Variants in FLNB observed in about 807,000 individuals in gnomAD.
The protein encoded by FLNB is filamin-B.
In FLNB, 111 loss-of-function variants were observed where a neutral mutation model predicts 250.6. The observed-to-expected ratio is 0.44, with a 90% CI of 0.38 to 0.52. The LOEUF is 0.52. Among genes scored for constraint, FLNB ranks in the 20% least tolerant of loss-of-function variants. The pLI is 0.00. For synonymous variants in FLNB, 1,302 were observed against 1,372.1 expected (o/e 0.95, Z 1.13); for missense variants, 2,869 against 3,447.8 (o/e 0.83, Z 4.20).
intron 38 of FLNB, among the ~76,000 whole-genome samples, chr3:58,151,715 A>C (rs894208743): frequency 8.5e-5 from 13 of 152,198 alleles, no homozygotes; most frequent in African/African-American, 3.1e-4. Flanking sequence ...ATTCCATTTC[A>C]TGTCTAGATG....
Position 58,105,166 on chromosome 3 carries a change from G to C in FLNB, c.1697G>C (p.Arg566Pro). 6.2e-7 allele frequency: 1 copy of C among 1,614,214 alleles called. No individual in the cohort carries two copies. The highest frequency in any genetic ancestry group is 8.5e-7 in the Non-Finnish European group (1 of 1,180,044). Residue 566 changes from arginine (R) to proline (P), a missense_variant, in exon 11 of 46, where the codon CGG becomes CCG. This residue lies in a region of FLNB where 1,348 missense variants were observed against 1,466.7 expected (regional missense o/e 0.92). Transcript: ENST00000295956. ...GGGCTCCATGGTGGGATTGTCGGGC[G>C]GTCAGCGGACTTCGTGGTAGAATCC... ...GPGLHGGIVG[R>P]SADFVVESIG...
intron 35 of FLNB, 78 bp downstream of exon 35, chr3:58,148,442 G>A: frequency 6.6e-7 from 1 of 1,514,174 alleles, no homozygotes. Context: ...CCTTTCTTGG[G>A]AATGGGTAGC....
intron 42 of FLNB, among the ~76,000 whole-genome samples, chr3:58,161,397 C>T (rs926879661): frequency 2.6e-5 from 4 of 152,106 alleles, no homozygotes; most frequent in Non-Finnish European, 5.9e-5. Flanking sequence ...CCCCAATACC[C>T]AAATGGAGAT....
At chr3:58,044,270 G>T (rs145949135) in intron 1 of FLNB, among the ~76,000 whole-genome samples, 1 of 152,144 alleles carries the variant, frequency 6.6e-6, no homozygotes, top group African/African-American at 2.4e-5. Context: ...CTCATTGTCT[G>T]GTTGGGAAGC....
chr3:58,143,552 T>C lies in FLNB; in HGVS notation c.5364T>C (p.Tyr1788=), dbSNP rs2107253529. ...AGGACGGCACGGTCACTGTTAGATATGCCCCCACTGAGGTCGGGCTCCATG... is the reference window on the plus strand; with the variant it reads ...AGGACGGCACGGTCACTGTTAGATACGCCCCCACTGAGGTCGGGCTCCATG... ...DNKDGTVTVR[Y]APTEVGLHEM... Residue 1788 remains tyrosine, a synonymous_variant, in exon 32 of 46, where the codon TAT becomes TAC. Coordinates refer to ENST00000295956, the MANE Select transcript of FLNB (RefSeq NM_001457.4). The C allele has an allele frequency of 6.2e-7, 1 of 1,614,196 alleles. No homozygotes were observed. The highest frequency in any genetic ancestry group is 8.5e-7 in the Non-Finnish European group (1 of 1,180,040).
At chr3:58,151,411 AAAAAGAG>A (rs1360913125) in intron 38 of FLNB, 2 of 150,936 alleles carry the variant, frequency 1.3e-5, no homozygotes, top group African/African-American at 4.9e-5. Context: ...AAAAAAAAAA[AAAAAGAG>A]CTGTACTGAT....
intron 1 of FLNB, among the ~76,000 whole-genome samples, chr3:58,065,727 A>G (rs2106900860): frequency 6.6e-6 from 1 of 152,238 alleles, no homozygotes; most frequent in African/African-American, 2.4e-5. Context: ...CTTTTCCTCG[A>G]GGGATTCCCT....
intron 33 of FLNB, 42 bp from the exon 34 acceptor site, chr3:58,146,778 A>G: frequency 1.9e-6 from 3 of 1,608,776 alleles, no homozygotes; most frequent in Non-Finnish European, 2.6e-6. Context: ...AAACAAGGCA[A>G]CTCTCTCCCT....
chr3:58,075,627 G>A (rs959152858), intron 1 of FLNB, among the ~76,000 whole-genome samples: 5 of 152,192 alleles, frequency 3.3e-5, no homozygotes, highest in South Asian at 4.1e-4. Context: ...GGCACCTGAC[G>A]AGAAAGATGG....
At chr3:58,157,041 G>C (rs931875202) in intron 41 of FLNB, among the ~76,000 whole-genome samples, 7 of 152,312 alleles carry the variant, frequency 4.6e-5, no homozygotes, top group African/African-American at 1.7e-4. Context: ...CCCACCTGAT[G>C]TTGTGGCACA....
In FLNB at chr3:58,150,176, C is replaced by T. The variant is rs1431105837; in HGVS notation, c.6316C>T (p.Pro2106Ser). The part of the protein sequence containing the change: ...KESITRTSRA[P>S]SVATVGSICD... ...GAGCATCACCCGCACCAGTCGGGCC[C>T]CGTCCGTGGCCACTGTCGGGAGCAT... The change falls in exon 38 of 46, where the codon CCG becomes TCG. Residue 2106 changes from proline to serine, a missense_variant. Transcript: ENST00000295956. The T allele has an allele frequency of 6.2e-7, 1 of 1,614,236 alleles. No homozygotes were observed.
chr3:58,153,275 G>GCA, intron 38 of FLNB, 100 bp from the exon 39 acceptor site: 1 of 1,393,988 alleles, frequency 7.2e-7, no homozygotes, highest in African/African-American at 1.4e-5. Context: ...CCACCGGGCT[G>GCA]CACACACCTT....
intron 12 of FLNB, 112 bp downstream of exon 12, chr3:58,106,985 G>A: frequency 5.0e-6 from 4 of 805,534 alleles, no homozygotes; most frequent in Non-Finnish European, 4.2e-6. Context: ...GGAATCATTT[G>A]GATTTTAGGA....
Position 58,081,618 on chromosome 3 carries a change from C to G in FLNB, c.640-11C>G, listed in dbSNP as rs1376176074. On this transcript the variant is annotated splice_polypyrimidine_tract_variant and intron_variant, in intron 3 of 45. Coordinates refer to ENST00000295956, the MANE Select transcript of FLNB (RefSeq NM_001457.4). The stretch of plus-strand genomic sequence containing the variant: ...TGTTCTGGGTGTTCATCCACCATGT[C>G]ATTATCCTAGGTCATCACTCCTGAA... The G allele has an allele frequency of 6.2e-7, 1 of 1,613,690 alleles. No individual in the cohort carries two copies. The highest frequency in any genetic ancestry group is 8.5e-7 in the Non-Finnish European group (1 of 1,179,762).
chr3:58,015,016 C>T (rs1273425122), intron 1 of FLNB, among the ~76,000 whole-genome samples: 1 of 152,132 alleles, frequency 6.6e-6, no homozygotes, highest in African/African-American at 2.4e-5. Context: ...CGTGAGCCAC[C>T]GGACCCAGCC....
chr3:58,094,749 C>CTT, intron 4 of FLNB, 87 bp from the exon 5 acceptor site: 1 of 1,127,738 alleles, frequency 8.9e-7, no homozygotes. Flanking sequence ...GGTCCCATCT[C>CTT]TCAGTTCCCT....
chr3:58,034,071 T>A (rs887810722), intron 1 of FLNB, among the ~76,000 whole-genome samples: 3 of 152,034 alleles, frequency 2.0e-5, no homozygotes, highest in Non-Finnish European at 4.4e-5. Context: ...ATGTTGGTCA[T>A]GCTGGTCTCG....
intron 28 of FLNB, among the ~76,000 whole-genome samples, chr3:58,137,383 G>A (rs1264143733): frequency 6.6e-6 from 1 of 152,220 alleles, no homozygotes; most frequent in Non-Finnish European, 1.5e-5. Context: ...GTTGGATGGG[G>A]ACTTCCCCCT....
intron 25 of FLNB, chr3:58,131,995 C>T (rs1559717469): frequency 6.5e-7 from 1 of 1,536,686 alleles, no homozygotes; most frequent in Middle Eastern, 1.7e-4. Context: ...TAAAGGTGAC[C>T]CGAAGGGTGA....
Sources: gnomAD v4.1 joint callset for allele counts (sites outside exome capture counted in the v4.1 genomes callset) on GRCh38, gnomAD v4.1.1 for gene constraint, gnomAD v4.1.1 regional missense constraint, MANE v1.5 for transcripts, NCBI Gene and HGNC (gene_info 2026-07-23, HGNC 2026-07-21) for gene names.